Variants in KCNH7 observed in about 807,000 individuals in gnomAD.
The protein encoded by KCNH7 is potassium voltage-gated channel subfamily H member 7, also known as voltage-gated inwardly rectifying potassium channel KCNH7.
Under a neutral mutation model 120.8 loss-of-function variants are expected in KCNH7, and 49 were observed. That is an observed-to-expected ratio of 0.41 (90% CI 0.32 to 0.51). The LOEUF (loss-of-function observed/expected upper bound fraction) is 0.51, where lower values mean the gene tolerates loss of function less well. Among genes scored for constraint, KCNH7 ranks in the 20% least tolerant of loss-of-function variants. The pLI is 0.38. For synonymous variants in KCNH7, 547 were observed against 516.1 expected, an observed-to-expected ratio of 1.06 and a Z score of -0.81; for missense variants, 1,097 against 1,446.6, an observed-to-expected ratio of 0.76 and a Z score of 3.92.
intron 7 of KCNH7, among the ~76,000 whole-genome samples, chr2:162,443,134 C>T (rs1393826858): frequency 6.6e-6 from 1 of 151,974 alleles, no homozygotes; most frequent in Non-Finnish European, 1.5e-5. Context: ...TCTCCAGACC[C>T]TTAACAGATC....
At chr2:162,831,654 CA>C (rs1685483365) in intron 2 of KCNH7, among the ~76,000 whole-genome samples, 1 of 152,160 alleles carries the variant, frequency 6.6e-6, no homozygotes, top group Non-Finnish European at 1.5e-5. Flanking sequence ...TTATACCAAA[CA>C]ACAACAGCAA....
intron 12 of KCNH7, among the ~76,000 whole-genome samples, chr2:162,391,870 T>G (rs972155014): frequency 6.6e-6 from 1 of 152,002 alleles, no homozygotes; most frequent in African/African-American, 2.4e-5. Context: ...GGATTTAGAT[T>G]AACTCTGTGG....
chr2:162,558,081 T>C (rs1692922628), intron 2 of KCNH7, among the ~76,000 whole-genome samples: 1 of 152,208 alleles, frequency 6.6e-6, no homozygotes, highest in Admixed American at 6.5e-5. Context: ...ATCTTATAGG[T>C]CAGAAAACTA....
intron 2 of KCNH7, among the ~76,000 whole-genome samples, chr2:162,595,072 T>C (rs1020816391): frequency 4.6e-5 from 7 of 152,086 alleles, no homozygotes; most frequent in African/African-American, 1.7e-4. Flanking sequence ...TTTTATTGAC[T>C]CATATAATCA....
Position 162,724,533 on chromosome 2 carries a change from G to A in KCNH7, c.307+112004C>T, listed in dbSNP as rs900599698. Among the ~76,000 whole-genome samples the A allele has an allele frequency of 7.5e-4, 112 of 150,248 alleles. 1 individual carries two copies. Among genetic ancestry groups the A allele is most frequent in the East Asian group, 2.0e-4 (1 of 5,048 alleles). ...TAAAAATACAAAAAATTAGCCGGGC[G>A]TAGTGGCGGGCGCCTGTAGTCCCAG... On this transcript the variant is annotated intron_variant, in intron 2 of 15. Coordinates refer to ENST00000332142, the MANE Select transcript of KCNH7 (RefSeq NM_033272.4).
At chr2:162,699,880 T>A (rs983539177) in intron 2 of KCNH7, among the ~76,000 whole-genome samples, 7 of 152,102 alleles carry the variant, frequency 4.6e-5, no homozygotes, top group Admixed American at 3.9e-4. Context: ...CCTCCACTCT[T>A]TGTTTTCTGA....
intron 2 of KCNH7, among the ~76,000 whole-genome samples, chr2:162,682,215 A>G (rs1473282481): frequency 6.6e-6 from 1 of 151,732 alleles, no homozygotes; most frequent in Non-Finnish European, 1.5e-5. Flanking sequence ...TGAAAAAAAT[A>G]TGTATCTGAA....
chr2:162,488,929 C>T (rs943761128), intron 6 of KCNH7, among the ~76,000 whole-genome samples: 2 of 152,166 alleles, frequency 1.3e-5, no homozygotes, highest in African/African-American at 2.4e-5. Context: ...GGTGCTTAGT[C>T]AGTTGGCTAC....
intron 2 of KCNH7, among the ~76,000 whole-genome samples, chr2:162,571,889 A>T (rs1200007564): frequency 1.3e-5 from 2 of 151,946 alleles, no homozygotes; most frequent in Non-Finnish European, 2.9e-5. Flanking sequence ...TTATACAAAA[A>T]TCAATTCAAG....
chr2:162,766,681 A>G (rs1682821844), intron 2 of KCNH7, among the ~76,000 whole-genome samples: 1 of 152,258 alleles, frequency 6.6e-6, no homozygotes, highest in Middle Eastern at 3.4e-3. Context: ...TCATTTTCAG[A>G]CCATTTTACG....
intron 2 of KCNH7, among the ~76,000 whole-genome samples, chr2:162,776,600 G>A (rs778327577): frequency 6.6e-6 from 1 of 151,990 alleles, no homozygotes; most frequent in Non-Finnish European, 1.5e-5. Flanking sequence ...ATTGGGAGAG[G>A]GAAGAGAGGA....
intron 2 of KCNH7, among the ~76,000 whole-genome samples, chr2:162,568,933 T>C (rs557588396): frequency 7.2e-5 from 11 of 152,244 alleles, no homozygotes; most frequent in South Asian, 2.1e-4. Flanking sequence ...CAGTATTTTA[T>C]TGAGGATTTT....
At chr2:162,807,352 A>T (rs1346421825) in intron 2 of KCNH7, among the ~76,000 whole-genome samples, 1 of 151,352 alleles carries the variant, frequency 6.6e-6, no homozygotes, top group Non-Finnish European at 1.5e-5. Context: ...TACGAGAATC[A>T]CTTGAACTCA....
intron 2 of KCNH7, among the ~76,000 whole-genome samples, chr2:162,589,868 T>C (rs557506105): frequency 1.3e-5 from 2 of 152,248 alleles, no homozygotes; most frequent in East Asian, 3.9e-4. Flanking sequence ...TATTTAGGTG[T>C]GGAATATCCA....
At chr2:162,703,854 C>A (rs562793985) in intron 2 of KCNH7, among the ~76,000 whole-genome samples, 5 of 152,234 alleles carry the variant, frequency 3.3e-5, no homozygotes, top group African/African-American at 1.2e-4. Flanking sequence ...TTCTGAGACA[C>A]AATATATGAT....
At chr2:162,697,747 AAATAAT>A (rs952755991) in intron 2 of KCNH7, among the ~76,000 whole-genome samples, 2 of 152,008 alleles carry the variant, frequency 1.3e-5, no homozygotes, top group South Asian at 2.1e-4. Flanking sequence ...TAATATTCCA[AAATAAT>A]AATAATAATA....
At position 162,800,075 on chromosome 2, in the gene KCNH7, C is replaced by T. The variant is rs548531325; in HGVS notation, c.307+36462G>A. Among the ~76,000 whole-genome samples, 5 of 151,572 alleles carry T rather than the reference C, an allele frequency of 3.3e-5. No homozygotes were observed. In the South Asian group the frequency reaches 1.0e-3, roughly 32 times the overall value. On this transcript the variant is annotated intron_variant, in intron 2 of 15. Transcript: ENST00000332142. ...TATAAGATAAAAGATTTCTTATCAA[C>T]CTTCCACCACAACAAACAATGAGTA...
At chr2:162,423,825 A>C (rs1001135701) in intron 8 of KCNH7, among the ~76,000 whole-genome samples, 1 of 152,178 alleles carries the variant, frequency 6.6e-6, no homozygotes, top group Non-Finnish European at 1.5e-5. Context: ...GAGAAAATGC[A>C]TTTGAAATAA....
chr2:162,703,178 C>T (rs1686575342), intron 2 of KCNH7, among the ~76,000 whole-genome samples: 1 of 151,620 alleles, frequency 6.6e-6, no homozygotes, highest in Non-Finnish European at 1.5e-5. Context: ...ATAGATATGC[C>T]ACACAATAGG....
Sources: allele counts gnomAD v4.1 joint callset (sites outside exome capture counted in the v4.1 genomes callset), GRCh38; gene constraint gnomAD v4.1.1; transcripts MANE v1.5; gene names NCBI Gene and HGNC (gene_info 2026-07-23, HGNC 2026-07-21).